Variants in PDE2A observed in about 807,000 individuals in gnomAD.
The protein encoded by PDE2A is cGMP-dependent 3',5'-cyclic phosphodiesterase.
PDE2A carries 53 observed loss-of-function variants against 133.6 expected under a neutral mutation model. The ratio of observed to expected loss-of-function variants is 0.40; its 90% CI spans 0.32 to 0.50. PDE2A has a LOEUF of 0.50. PDE2A is among the 20% of genes least tolerant of loss of function. The pLI is 0.73. For synonymous variants in PDE2A, 491 were observed against 490.2 expected (o/e 1.00, Z -0.02); for missense variants, 796 against 1,232.4 (o/e 0.65, Z 5.30).
At chr11:72,585,271 CAGAAGGCAG>C in intron 16 of PDE2A, 91 bp downstream of exon 16, 1 of 985,368 alleles carries the variant, frequency 1.0e-6, no homozygotes, top group Non-Finnish European at 1.6e-6. Flanking sequence ...TGAAGTCCCG[CAGAAGGCAG>C]AGAAAGGGAA....
chr11:72,589,667 A>G (rs1856143601), intron 11 of PDE2A, 84 bp downstream of exon 11: 1 of 1,178,138 alleles, frequency 8.5e-7, no homozygotes, highest in Admixed American at 1.8e-5. Flanking sequence ...AGAAGATCCA[A>G]ATACTCCAGG....
intron 2 of PDE2A, among the ~76,000 whole-genome samples, chr11:72,636,482 C>T (rs1025290898): frequency 2.0e-5 from 3 of 152,186 alleles, no homozygotes; most frequent in Admixed American, 1.3e-4. Context: ...AGCCCTGGGC[C>T]GGCTTCAGGT....
At chr11:72,624,056 A>G (rs1168299636) in intron 2 of PDE2A, among the ~76,000 whole-genome samples, 5 of 151,424 alleles carry the variant, frequency 3.3e-5, no homozygotes, top group African/African-American at 1.2e-4. Context: ...CAATGGCTCA[A>G]TCTTGGCTCA....
rs369099450 is a variant in PDE2A, at chr11:72,578,890, C to T, written c.2469+7G>A. On this transcript the variant is annotated splice_region_variant and intron_variant, in intron 28 of 30. Coordinates refer to ENST00000334456, the MANE Select transcript of PDE2A (RefSeq NM_002599.5). The surrounding 1 kb of genome is among the most constrained non-coding windows in gnomAD (Gnocchi z 4.2). The stretch of plus-strand genomic sequence containing the variant: ...GCCTGTGCCTTCCCAGGGAGGACTA[C>T]ACCTACCGCGATCTTTCTCGTAGTC... The T allele has an allele frequency of 5.0e-6, 8 of 1,588,810 alleles. No homozygotes were observed. The highest frequency in any genetic ancestry group is 6.9e-6 in the Non-Finnish European group (8 of 1,157,174).
Position 72,652,419 on chromosome 11 carries a change from G to C in PDE2A, c.72-10093C>G, listed in dbSNP as rs576326556. 6.8e-5 allele frequency: 30 copies of C among 443,350 alleles called. No homozygotes were observed. In the Admixed American group the frequency reaches 7.0e-4, roughly 10 times the overall value. 27.5% of individuals were successfully genotyped at this position (443,350 alleles called of 1,614,324 possible). On this transcript the variant is annotated intron_variant, in intron 1 of 30. Coordinates refer to ENST00000334456, the MANE Select transcript of PDE2A (RefSeq NM_002599.5). ...ATGACATGGCACCCAGCTTGGCCTG[G>C]CTGCTTCTGGCAGAACCATTTCCAG...
chr11:72,617,901 C>T (rs1336637958), intron 2 of PDE2A, among the ~76,000 whole-genome samples: 1 of 152,210 alleles, frequency 6.6e-6, no homozygotes, highest in East Asian at 1.9e-4. Flanking sequence ...AATAGCCTTT[C>T]TCTTTGGGGG....
At chr11:72,634,846 G>C (rs1858600366) in intron 2 of PDE2A, among the ~76,000 whole-genome samples, 1 of 152,246 alleles carries the variant, frequency 6.6e-6, no homozygotes, top group South Asian at 2.1e-4. Context: ...TATACTGAGA[G>C]GGTGCTGATG....
In PDE2A at chr11:72,586,167, T is replaced by TGTAGTGGAAG; in HGVS notation, c.1084_1085insCTTCCACTAC (p.Asp362AlafsTer34). On this transcript the variant is annotated frameshift_variant, in exon 14 of 31. Coordinates refer to ENST00000334456, the MANE Select transcript of PDE2A (RefSeq NM_002599.5). LOFTEE classifies it high-confidence loss of function. Reference sequence around the variant, plus strand: ...GAAGCAGTGCTGGATCACATGCTCGTCCTCGTCGGTGAACCTGGAGGAGGG... The same window carrying TGTAGTGGAAG: ...GAAGCAGTGCTGGATCACATGCTCGTGTAGTGGAAGCCTCGTCGGTGAACCTGGAGGAGGG... 6.2e-7 allele frequency: 1 copy of TGTAGTGGAAG among 1,608,704 alleles called. No individual in the cohort carries two copies. The highest frequency in any genetic ancestry group is 1.1e-5 in the South Asian group (1 of 90,412).
At chr11:72,589,304 TC>T in intron 11 of PDE2A, 64 bp from the exon 12 acceptor site, 1 of 1,191,348 alleles carries the variant, frequency 8.4e-7, no homozygotes, top group Non-Finnish European at 1.2e-6. Flanking sequence ...TCTCAACCTG[TC>T]CCCACCCTCA....
chr11:72,606,265 G>A (rs182454079), intron 3 of PDE2A, among the ~76,000 whole-genome samples: 13 of 152,160 alleles, frequency 8.5e-5, no homozygotes, highest in African/African-American at 2.4e-4. Context: ...TGTTTTCTCC[G>A]CAGGAGGATG....
Position 72,590,407 on chromosome 11 carries a change from T to G in PDE2A, c.703+20A>C. Reference sequence around the variant, plus strand: ...TCTGCCCGGCCCCGCCCTCGTGACCTGTCCAGGCCGGGCCCTCACCGCACA... The same window carrying G: ...TCTGCCCGGCCCCGCCCTCGTGACCGGTCCAGGCCGGGCCCTCACCGCACA... On this transcript the variant is annotated intron_variant, in intron 8 of 30. Coordinates refer to ENST00000334456, the MANE Select transcript of PDE2A (RefSeq NM_002599.5). The surrounding 1 kb of genome is among the most constrained non-coding windows in gnomAD (Gnocchi z 4.8). 1.3e-6 allele frequency: 2 copies of G among 1,576,044 alleles called. No homozygotes were observed. The highest frequency in any genetic ancestry group is 1.7e-6 in the Non-Finnish European group (2 of 1,161,710).
chr11:72,598,413 G>A (rs559701501), intron 4 of PDE2A: 1 of 895,704 alleles, frequency 1.1e-6, no homozygotes, highest in Non-Finnish European at 1.6e-6. Context: ...CAAGGCAGGG[G>A]AGGTTGGTAT....
At chr11:72,658,304 C>T (rs953876987) in intron 1 of PDE2A, 3 of 365,534 alleles carry the variant, frequency 8.2e-6, no homozygotes, top group South Asian at 4.1e-5. Flanking sequence ...CAGATCTTCC[C>T]ACCTAGCTAC....
chr11:72,611,746 G>C (rs568420814), intron 2 of PDE2A, among the ~76,000 whole-genome samples: 55 of 152,328 alleles, frequency 3.6e-4, no homozygotes, highest in African/African-American at 1.3e-3. Context: ...CCCAGGAATG[G>C]AGGGTGTTGG....
rs533376167 is a variant in PDE2A at position 72,601,413 on chromosome 11, C to T, written c.323+3725G>A. Among the ~76,000 whole-genome samples the T allele has an allele frequency of 6.4e-5, 9 of 140,270 alleles. No individual in the cohort carries two copies. The Admixed American group carries it at 6.4e-4, about 10-fold the overall frequency. 92.0% of individuals were successfully genotyped at this position (140,270 alleles called of 152,430 possible). A position where few individuals can be genotyped will look rare whatever the true frequency, so the allele number is the denominator to read the frequency against. On this transcript the variant is annotated intron_variant, in intron 4 of 30. Coordinates refer to ENST00000334456, the MANE Select transcript of PDE2A (RefSeq NM_002599.5). ...TCCTTCCCCCAGCATGTGAGGATCCCGAGATGGGAGCAGACCGTTCCCGGT... is the reference window on the plus strand; with the variant it reads ...TCCTTCCCCCAGCATGTGAGGATCCTGAGATGGGAGCAGACCGTTCCCGGT...
intron 1 of PDE2A, among the ~76,000 whole-genome samples, chr11:72,663,464 C>A (rs1390300684): frequency 6.6e-6 from 1 of 152,218 alleles, no homozygotes; most frequent in Non-Finnish European, 1.5e-5. Flanking sequence ...TGCAGTGGTT[C>A]ACGCCTGTAA....
chr11:72,587,897 C>G (rs772583352), intron 13 of PDE2A: 1 of 152,330 alleles, frequency 6.6e-6, no homozygotes, highest in Admixed American at 6.5e-5. Context: ...ACCTCAGGCC[C>G]GGGCTCTGAC....
Position 72,577,529 on chromosome 11 carries a change from T to C in PDE2A, c.2681A>G (p.His894Arg). Residue 894 changes from histidine to arginine, a missense_variant, in exon 31 of 31, where the codon CAC becomes CGC. By Grantham distance (29) the His-to-Arg change is conservative. Coordinates refer to ENST00000334456, the MANE Select transcript of PDE2A (RefSeq NM_002599.5). ...LYERVASNRE[H>R]WTKVSHKFTI... ...GAACTTGTGGGACACCTTGGTCCAG[T>C]GCTCACGGTTGGAGGCCACGCGCTC... The C allele has an allele frequency of 1.2e-6, 2 of 1,612,226 alleles. No individual in the cohort carries two copies. The highest frequency in any genetic ancestry group is 1.7e-6 in the Non-Finnish European group (2 of 1,180,026).
rs993700127 is a variant in PDE2A at position 72,576,450 on chromosome 11, A to G, written c.*934T>C. ...GCCAGGTCTCTCACTGGCTGCAGGAATGGGTAAGGGGCTCAGGCCAAGGGG... is the reference window on the plus strand; with the variant it reads ...GCCAGGTCTCTCACTGGCTGCAGGAGTGGGTAAGGGGCTCAGGCCAAGGGG... On this transcript the variant is annotated 3_prime_UTR_variant, in exon 31 of 31. Transcript: ENST00000334456. 2 of 154,040 alleles carry G rather than the reference A, an allele frequency of 1.3e-5. No homozygotes were observed. The highest frequency in any genetic ancestry group is 4.8e-5 in the African/African-American group (2 of 41,466). 9.5% of individuals were successfully genotyped at this position (154,040 alleles called of 1,614,324 possible).
Sources: allele counts gnomAD v4.1 joint callset (sites outside exome capture counted in the v4.1 genomes callset), GRCh38; gene constraint gnomAD v4.1.1; non-coding constraint Gnocchi (gnomAD v3.1); transcripts MANE v1.5; gene names NCBI Gene and HGNC (gene_info 2026-07-23, HGNC 2026-07-21).